The following ATP10A variants were observed in gnomAD, a reference collection of about 807,000 sequenced individuals.
The protein encoded by ATP10A is ATPase phospholipid transporting 10A (putative).
In ATP10A, 111 loss-of-function variants were observed where a neutral mutation model predicts 147.8. That is an observed-to-expected ratio of 0.75 (90% CI 0.64 to 0.88). ATP10A has a LOEUF of 0.88. Ranked by LOEUF, ATP10A falls within the 40% of genes least tolerant of loss-of-function variation. The pLI, the probability that ATP10A is intolerant of heterozygous loss-of-function variation, is 0.00. For missense variants in ATP10A, 1,927 were observed against 1,959.0 expected (o/e 0.98, Z 0.31); for synonymous variants, 875 against 841.6 (o/e 1.04, Z -0.69).
At chr15:25,807,949 T>G (rs563124792) in intron 1 of ATP10A, among the ~76,000 whole-genome samples, 3 of 151,810 alleles carry the variant, frequency 2.0e-5, no homozygotes, top group Non-Finnish European at 2.9e-5. Context: ...AAGACCACAG[T>G]AGAACATACC....
At chr15:25,770,817 T>G (rs1350040554) in intron 2 of ATP10A, among the ~76,000 whole-genome samples, 2 of 152,166 alleles carry the variant, frequency 1.3e-5, no homozygotes, top group Non-Finnish European at 2.9e-5. Flanking sequence ...AGGATGACTC[T>G]GCATGGCAGA....
downstream of ATP10A, among the ~76,000 whole-genome samples, chr15:25,674,120 T>C (rs1007565408): frequency 3.9e-5 from 6 of 152,184 alleles, no homozygotes; most frequent in East Asian, 9.6e-4. Flanking sequence ...TCAAAGTGCA[T>C]GTGGGCATGA....
At chr15:25,714,355 C>A in intron 9 of ATP10A, 114 bp from the exon 10 acceptor site, 1 of 907,468 alleles carries the variant, frequency 1.1e-6, no homozygotes, top group Non-Finnish European at 1.7e-6. Context: ...CCTCGCTTCC[C>A]CACTGGGGTC....
At chr15:25,784,921 CAAAA>C (rs397972229) in intron 1 of ATP10A, among the ~76,000 whole-genome samples, 1 of 106,654 alleles carries the variant, frequency 9.4e-6, no homozygotes, top group African/African-American at 3.4e-5. Context: ...GACCCCGTGT[CAAAA>C]AAAAAAAAAA....
chr15:25,733,973 G>A (rs1029565161), intron 3 of ATP10A, among the ~76,000 whole-genome samples: 9 of 152,174 alleles, frequency 5.9e-5, no homozygotes, highest in African/African-American at 1.7e-4. Flanking sequence ...ACCCACTCAA[G>A]AGGCATCTTC....
rs756885307 is a variant in ATP10A, at chr15:25,725,971, A to G, written c.959T>C (p.Met320Thr). The part of the protein sequence containing the change: ...VLWCVLLLVC[M>T]SLFSAVGHGL... ...CTTACCGACTGCTGAAAACAGAGAC[A>G]TGCAAACAAGGAGCAGGACACACCA... The change falls in exon 5 of 21, where the codon ATG becomes ACG. Residue 320 changes from methionine to threonine, a missense_variant. By Grantham distance (81) the Met-to-Thr change is moderately conservative. Transcript: ENST00000555815. The G allele has an allele frequency of 6.2e-6, 10 of 1,613,554 alleles. No individual in the cohort carries two copies. The Admixed American group carries it at 1.5e-4, about 24-fold the overall frequency.
At chr15:25,727,375 C>T (rs1902644433) in intron 3 of ATP10A, 109 bp from the exon 4 acceptor site, 2 of 999,426 alleles carry the variant, frequency 2.0e-6, no homozygotes, top group East Asian at 2.5e-5. Flanking sequence ...AGCTTGGGGC[C>T]GCTGGGATCT....
intron 14 of ATP10A, 125 bp from the exon 15 acceptor site, chr15:25,691,916 G>T: frequency 9.5e-7 from 1 of 1,047,168 alleles, no homozygotes; most frequent in Non-Finnish European, 1.5e-6. Context: ...TGGGGAAGAT[G>T]GGGGAAAAAG....
chr15:25,849,928 G>C (rs1422311405), intron 1 of ATP10A, among the ~76,000 whole-genome samples: 1 of 152,032 alleles, frequency 6.6e-6, no homozygotes, highest in Non-Finnish European at 1.5e-5. Context: ...CATCTGATTT[G>C]ACTAAAGTCT....
chr15:25,737,329 G>T (rs1319496716), intron 2 of ATP10A, among the ~76,000 whole-genome samples: 1 of 152,192 alleles, frequency 6.6e-6, no homozygotes, highest in Non-Finnish European at 1.5e-5. Context: ...CAGATACAAA[G>T]TACAGGATGG....
intron 2 of ATP10A, among the ~76,000 whole-genome samples, chr15:25,772,503 G>A (rs550206470): frequency 4.3e-4 from 65 of 152,298 alleles, no homozygotes; most frequent in African/African-American, 1.5e-3. Context: ...AGAATTTCCT[G>A]TCTGGTGGTC....
chr15:25,730,087 T>C (rs1902868316), intron 3 of ATP10A, among the ~76,000 whole-genome samples: 1 of 146,682 alleles, frequency 6.8e-6, no homozygotes, highest in African/African-American at 2.6e-5. Flanking sequence ...GGCCAGAAGT[T>C]AGAGACCAGC....
At chr15:25,715,551 G>GA (rs1396545919) in intron 9 of ATP10A, among the ~76,000 whole-genome samples, 1 of 152,264 alleles carries the variant, frequency 6.6e-6, no homozygotes, top group Non-Finnish European at 1.5e-5. Context: ...ATATACACCA[G>GA]AAGGGTTTTT....
At chr15:25,799,121 C>CG (rs1890820205) in intron 1 of ATP10A, among the ~76,000 whole-genome samples, 1 of 152,160 alleles carries the variant, frequency 6.6e-6, no homozygotes, top group Non-Finnish European at 1.5e-5. Flanking sequence ...CATCCTAACT[C>CG]GGGGGCCATC....
intron 3 of ATP10A, among the ~76,000 whole-genome samples, chr15:25,733,645 G>A (rs1887089391): frequency 2.0e-5 from 3 of 152,232 alleles, no homozygotes; most frequent in Admixed American, 2.0e-4. Flanking sequence ...CACCCCGGCT[G>A]GTGGAGATGG....
intron 2 of ATP10A, among the ~76,000 whole-genome samples, chr15:25,776,570 A>G (rs905179290): frequency 9.9e-5 from 15 of 152,184 alleles, no homozygotes; most frequent in African/African-American, 3.6e-4. Flanking sequence ...GGCCTCTCTC[A>G]ATTCTTGGAT....
chr15:25,736,057 T>G lies in ATP10A; in HGVS notation c.739A>C (p.Ile247Leu). The stretch of plus-strand genomic sequence containing the variant: ...CGCAGGCAGACACACGATACTCACA[T>G]GCAGCCGCGAAACCTACTCAGGTCG... The part of the protein sequence containing the change: ...NNDLSRFRGC[I>L]IHDNGKKAGL... The change falls in exon 3 of 21, where the codon ATC (isoleucine) becomes CTC (leucine). Residue 247 changes from isoleucine (I) to leucine (L), a missense_variant and splice_region_variant. Coordinates refer to ENST00000555815, the MANE Select transcript of ATP10A (RefSeq NM_024490.4). 6.2e-7 allele frequency: 1 copy of G among 1,612,930 alleles called. No individual in the cohort carries two copies. Among genetic ancestry groups the G allele is most frequent in the Non-Finnish European group, 8.5e-7 (1 of 1,179,048 alleles).
chr15:25,796,922 A>G (rs1256390524), intron 1 of ATP10A, among the ~76,000 whole-genome samples: 1 of 152,262 alleles, frequency 6.6e-6, no homozygotes, highest in Non-Finnish European at 1.5e-5. Context: ...GTTTTGATAC[A>G]TGTATACACT....
At chr15:25,727,014 G>T in intron 4 of ATP10A, 146 bp downstream of exon 4, 1 of 557,488 alleles carries the variant, frequency 1.8e-6, no homozygotes, top group South Asian at 2.2e-5. Context: ...CCGAGATCGC[G>T]CCACTGCACT....
Sources: allele counts gnomAD v4.1 joint callset (sites outside exome capture counted in the v4.1 genomes callset), GRCh38; gene constraint gnomAD v4.1.1; transcripts MANE v1.5; gene names NCBI Gene and HGNC (gene_info 2026-07-23, HGNC 2026-07-21).